Variants in CFI observed in about 807,000 individuals in gnomAD.
CFI encodes the protein C3B/C4B inactivator.
Under a neutral mutation model 78.8 loss-of-function variants are expected in CFI, and 66 were observed. That is an observed-to-expected ratio of 0.84 (90% CI 0.69 to 1.03). The LOEUF is 1.03. CFI is among the 50% of genes least tolerant of loss of function. CFI has a pLI of 0.00. For missense variants in CFI, 706 were observed against 704.5 expected (o/e 1.00, Z -0.02); for synonymous variants, 250 against 232.6 (o/e 1.07, Z -0.68).
At position 109,741,090 on chromosome 4, in the gene CFI, C is replaced by T. The variant is rs121964918; in HGVS notation, c.1555G>A (p.Asp519Asn). The T allele has an allele frequency of 9.3e-6, 15 of 1,614,004 alleles. No individual in the cohort carries two copies. The highest frequency in any genetic ancestry group is 2.2e-5 in the South Asian group (2 of 91,080). ...ECAGTYDGSI[D>N]ACKGDSGGPL... ...CCTCCAGAGTCCCCTTTACAGGCAT[C>T]GATGGAACCATCATATGTACCTAAG... The change falls in exon 13 of 13, where the codon GAT (aspartate) becomes AAT (asparagine). Residue 519 changes from aspartate to asparagine, a missense_variant. By Grantham distance (23) the Asp-to-Asn change is conservative. Transcript: ENST00000394634.
At chr4:109,759,751 A>G (rs1025967015) in intron 6 of CFI, among the ~76,000 whole-genome samples, 1 of 152,026 alleles carries the variant, frequency 6.6e-6, no homozygotes, top group African/African-American at 2.4e-5. Context: ...AAAATTAGCC[A>G]GGCATGGTGG....
chr4:109,799,100 T>C (rs1040816238), intron 1 of CFI, among the ~76,000 whole-genome samples: 9 of 152,156 alleles, frequency 5.9e-5, no homozygotes, highest in Non-Finnish European at 1.0e-4. Context: ...GCATGTATCC[T>C]GCCCTGAGCA....
intron 7 of CFI, among the ~76,000 whole-genome samples, chr4:109,756,686 C>T (rs1726193280): frequency 2.6e-5 from 4 of 151,368 alleles, no homozygotes; most frequent in Admixed American, 2.6e-4. Context: ...ATGGTGAAAC[C>T]CCATCTCCAC....
At chr4:109,731,881 C>G in the CFI span, among the ~76,000 whole-genome samples, 3 of 152,186 alleles carry the variant, frequency 2.0e-5, no homozygotes, top group Non-Finnish European at 4.4e-5. Flanking sequence ...AATTTTTAGA[C>G]AACACATTTC....
intron 10 of CFI, among the ~76,000 whole-genome samples, chr4:109,748,405 C>T (rs895529013): frequency 2.6e-5 from 4 of 152,064 alleles, no homozygotes; most frequent in African/African-American, 7.2e-5. Flanking sequence ...GTAAATGGAT[C>T]ATCACACTGA....
chr4:109,741,139 A>G (rs1723746114), intron 12 of CFI, 29 bp from the exon 13 acceptor site: 2 of 1,613,326 alleles, frequency 1.2e-6, no homozygotes, highest in Non-Finnish European at 8.5e-7. Flanking sequence ...AGAGAAAATC[A>G]CACATTTCCT....
rs1561292012 is a variant in CFI at position 109,752,962 on chromosome 4, T to TTATATAAATAAATATTTATAA, written c.905-460_905-459insTTATAAATATTTATTTATATA. 4.6e-3 allele frequency among the ~76,000 whole-genome samples: 190 copies of TTATATAAATAAATATTTATAA among 41,102 alleles called. 23 individuals carry two copies. The highest frequency in any genetic ancestry group is 8.6e-3 in the Non-Finnish European group (164 of 18,996). 27.0% of individuals were successfully genotyped at this position (41,102 alleles called of 152,430 possible). The stretch of plus-strand genomic sequence containing the variant: ...AATAAATATTTATAATACATATTTA[T>TTATATAAATAAATATTTATAA]TATATATTTATTATATGAATAAATA... On this transcript the variant is annotated intron_variant, in intron 7 of 12. Transcript: ENST00000394634.
chr4:109,736,931 C>G (rs73838862), downstream of CFI, among the ~76,000 whole-genome samples: 27 of 152,280 alleles, frequency 1.8e-4, no homozygotes, highest in African/African-American at 5.8e-4. Flanking sequence ...AGTGGCAACA[C>G]CAATCACCTC....
At chr4:109,786,166 G>A (rs772755094) in intron 1 of CFI, among the ~76,000 whole-genome samples, 1 of 152,030 alleles carries the variant, frequency 6.6e-6, no homozygotes. Context: ...GTGTAGCTGG[G>A]ATTACAAGTG....
At chr4:109,737,046 C>G (rs1379732224), downstream of CFI, among the ~76,000 whole-genome samples, 1 of 152,192 alleles carries the variant, frequency 6.6e-6, no homozygotes, top group Non-Finnish European at 1.5e-5. Context: ...TATCTAGAGT[C>G]AGTGCCATCC....
At chr4:109,779,979 T>G (rs1729792542) in intron 1 of CFI, among the ~76,000 whole-genome samples, 1 of 151,544 alleles carries the variant, frequency 6.6e-6, no homozygotes, top group African/African-American at 2.4e-5. Flanking sequence ...TATTTACACC[T>G]TATAAAAAAT....
chr4:109,787,865 T>A (rs34854248), intron 1 of CFI, among the ~76,000 whole-genome samples: 3,754 of 152,196 alleles, frequency 0.025, 138 homozygotes, highest in Admixed American at 0.094. Context: ...GTCTATTTTT[T>A]AAATTTTTAA....
At chr4:109,747,718 G>C (rs765077254) in intron 10 of CFI, among the ~76,000 whole-genome samples, 6 of 152,044 alleles carry the variant, frequency 3.9e-5, no homozygotes, top group Non-Finnish European at 5.9e-5. Flanking sequence ...ATTTATATCA[G>C]TGTTCCTCAA....
At chr4:109,783,940 A>T (rs184174420) in intron 1 of CFI, among the ~76,000 whole-genome samples, 10 of 151,402 alleles carry the variant, frequency 6.6e-5, no homozygotes, top group African/African-American at 2.2e-4. Flanking sequence ...AGGAATGGAA[A>T]ACCAAATATC....
At chr4:109,744,327 G>T (rs1724159476) in intron 11 of CFI, among the ~76,000 whole-genome samples, 1 of 152,170 alleles carries the variant, frequency 6.6e-6, no homozygotes, top group South Asian at 2.1e-4. Context: ...CTGGGATATG[G>T]TTTAATATAC....
At chr4:109,784,988 C>A (rs1730557570) in intron 1 of CFI, among the ~76,000 whole-genome samples, 1 of 152,088 alleles carries the variant, frequency 6.6e-6, no homozygotes, top group African/African-American at 2.4e-5. Context: ...CCTCCCCACC[C>A]TTGCGATAAT....
intron 1 of CFI, among the ~76,000 whole-genome samples, chr4:109,771,215 C>G (rs935402943): frequency 6.6e-6 from 1 of 151,108 alleles, no homozygotes; most frequent in Non-Finnish European, 1.5e-5. Flanking sequence ...CATGGTGAAA[C>G]CCCAACTCTA....
intron 12 of CFI, among the ~76,000 whole-genome samples, chr4:109,741,722 T>G (rs1168114731): frequency 6.6e-6 from 1 of 152,186 alleles, no homozygotes; most frequent in Admixed American, 6.5e-5. Context: ...GGGAGGACAC[T>G]TTCTTCTTAC....
At chr4:109,796,495 G>C (rs74379614) in intron 1 of CFI, among the ~76,000 whole-genome samples, 1 of 152,156 alleles carries the variant, frequency 6.6e-6, no homozygotes, top group Non-Finnish European at 1.5e-5. Context: ...AACTGTCCTA[G>C]AAAGAATTTT....
Sources: allele counts gnomAD v4.1 joint callset (sites outside exome capture counted in the v4.1 genomes callset), GRCh38; gene constraint gnomAD v4.1.1; transcripts MANE v1.5; gene names NCBI Gene and HGNC (gene_info 2026-07-23, HGNC 2026-07-21).